VTCN1: variants seen among roughly 807,000 people sequenced by gnomAD.
The protein encoded by VTCN1 is V-set domain-containing T-cell activation inhibitor 1.
Under a neutral mutation model 26.5 loss-of-function variants are expected in VTCN1, and 26 were observed. That is an observed-to-expected ratio of 0.98 (90% CI 0.72 to 1.36). VTCN1 has a LOEUF of 1.36. VTCN1 is among the 40% of genes most tolerant of loss of function. The probability of loss-of-function intolerance (pLI) is 0.00; values close to 1 mark genes in which losing one functional copy is unlikely to be tolerated. For missense variants in VTCN1, 298 were observed against 337.7 expected, an observed-to-expected ratio of 0.88 and a Z score of 0.92; for synonymous variants, 116 against 130.7, an observed-to-expected ratio of 0.89 and a Z score of 0.77.
At position 117,147,827 on chromosome 1, in the gene VTCN1, G is replaced by A; in HGVS notation, c.725-45C>T. 1 of 1,593,164 alleles carries A rather than the reference G, an allele frequency of 6.3e-7. No homozygotes were observed. The highest frequency in any genetic ancestry group is 2.3e-5 in the East Asian group (1 of 44,168). ...GTTTAGGGTCATACAGGAGAAGCTGGATGTCTTCTTCACATGACTGGTTAG... is the reference window on the plus strand; with the variant it reads ...GTTTAGGGTCATACAGGAGAAGCTGAATGTCTTCTTCACATGACTGGTTAG... On this transcript the variant is annotated intron_variant, in intron 4 of 5. Coordinates refer to ENST00000369458, the MANE Select transcript of VTCN1 (RefSeq NM_024626.4). The surrounding 1 kb of genome is among the most constrained non-coding windows in gnomAD (Gnocchi z 4.6).
At chr1:117,163,303 GT>G (rs527380929) in intron 2 of VTCN1, among the ~76,000 whole-genome samples, 1 of 152,228 alleles carries the variant, frequency 6.6e-6, no homozygotes, top group Non-Finnish European at 1.5e-5. Context: ...CCTTGGTCAA[GT>G]TTTCTAACCC....
At chr1:117,164,732 T>C (rs892435488) in intron 2 of VTCN1, among the ~76,000 whole-genome samples, 3 of 152,230 alleles carry the variant, frequency 2.0e-5, no homozygotes, top group African/African-American at 4.8e-5. Flanking sequence ...TCTTCCATTA[T>C]ACAGAGCTGT....
chr1:117,153,229 T>TC lies in VTCN1; in HGVS notation c.585_586insG (p.Asn196GlufsTer5). On this transcript the variant is annotated frameshift_variant, in exon 4 of 6. Coordinates refer to ENST00000369458, the MANE Select transcript of VTCN1 (RefSeq NM_024626.4). LOFTEE classifies it high-confidence loss of function. ...TCAGAGTTCAGCTCAAAGCTGGTAT[T>TC]GGAGACTTCCGAGAAGTTGGCTCCC... is the stretch of plus-strand genomic sequence containing the variant. 6.2e-7 allele frequency: 1 copy of TC among 1,614,160 alleles called. No individual in the cohort carries two copies. Among genetic ancestry groups the TC allele is most frequent in the Non-Finnish European group, 8.5e-7 (1 of 1,180,014 alleles).
At chr1:117,176,591 G>A (rs895458062) in intron 1 of VTCN1, among the ~76,000 whole-genome samples, 2 of 152,168 alleles carry the variant, frequency 1.3e-5, no homozygotes, top group Non-Finnish European at 2.9e-5. Context: ...ATTCCTTATA[G>A]ATCATTAGTT....
intron 1 of VTCN1, among the ~76,000 whole-genome samples, chr1:117,197,224 C>T (rs6658547): frequency 0.52 from 78,881 of 151,968 alleles, 20,760 homozygotes; most frequent in African/African-American, 0.56. Context: ...TTCATTGACC[C>T]AGTAATTTGT....
At chr1:117,184,868 C>CCAGAGACACTTAGAGG (rs1647861657) in intron 1 of VTCN1, among the ~76,000 whole-genome samples, 1 of 152,154 alleles carries the variant, frequency 6.6e-6, no homozygotes, top group African/African-American at 2.4e-5. Flanking sequence ...AATGTTTCAT[C>CCAGAGACACTTAGAGG]CAGAGACACT....
At chr1:117,192,989 TAAC>T (rs1232386120) in intron 1 of VTCN1, among the ~76,000 whole-genome samples, 2 of 152,090 alleles carry the variant, frequency 1.3e-5, no homozygotes, top group African/African-American at 2.4e-5. Flanking sequence ...GAAAACAAAA[TAAC>T]AACACAGCAA....
At chr1:117,151,375 T>C (rs767270680) in intron 4 of VTCN1, among the ~76,000 whole-genome samples, 2 of 152,170 alleles carry the variant, frequency 1.3e-5, no homozygotes, top group Non-Finnish European at 2.9e-5. Context: ...TCACAGCTCT[T>C]AAAGCTAGTG....
At chr1:117,209,146 A>G (rs575307754) in intron 1 of VTCN1, among the ~76,000 whole-genome samples, 1 of 152,310 alleles carries the variant, frequency 6.6e-6, no homozygotes, top group South Asian at 2.1e-4. Context: ...ATGAATAGCC[A>G]ACAAGGCATG....
At chr1:117,154,497 CTG>C (rs1651962643) in intron 3 of VTCN1, among the ~76,000 whole-genome samples, 1 of 152,202 alleles carries the variant, frequency 6.6e-6, no homozygotes, top group South Asian at 2.1e-4. Context: ...AACTGAGAAA[CTG>C]GAGGCCAGGC....
intron 1 of VTCN1, among the ~76,000 whole-genome samples, chr1:117,191,204 A>G (rs1648226666): frequency 6.6e-6 from 1 of 152,244 alleles, no homozygotes; most frequent in Non-Finnish European, 1.5e-5. Flanking sequence ...AATACAGGTC[A>G]TTTGCAATCA....
intron 1 of VTCN1, among the ~76,000 whole-genome samples, chr1:117,182,113 G>A (rs564692674): frequency 3.3e-5 from 5 of 152,142 alleles, no homozygotes; most frequent in African/African-American, 9.7e-5. Context: ...AAACAAGTAC[G>A]TCTATTGCCC....
In VTCN1 at chr1:117,165,542, G is replaced by A. The variant is rs72699162; in HGVS notation, c.97+4565C>T. Among the ~76,000 whole-genome samples, 1,445 of 152,158 alleles carry A rather than the reference G, an allele frequency of 9.5e-3. 13 individuals carry two copies. The highest frequency in any genetic ancestry group is 0.016 in the Non-Finnish European group (1,111 of 67,996). ...CCCTGAGTTCACATGAGATCTGGTCGTTTAAACTTATGTGGCACCTCCCCA... is the reference window on the plus strand; with the variant it reads ...CCCTGAGTTCACATGAGATCTGGTCATTTAAACTTATGTGGCACCTCCCCA... On this transcript the variant is annotated intron_variant, in intron 2 of 5. Transcript: ENST00000369458.
Position 117,156,722 on chromosome 1 carries a change from G to A in VTCN1, c.297C>T (p.Gly99=), listed in dbSNP as rs780751268. 1 of 1,614,108 alleles carries A rather than the reference G, an allele frequency of 6.2e-7. No homozygotes were observed. Among genetic ancestry groups the A allele is most frequent in the Non-Finnish European group, 8.5e-7 (1 of 1,180,022 alleles). Reference sequence around the variant, plus strand: ...CTTGATCAGCAAACACTGCTGTCCGGCCTCTGAACATTTCATCCTGCTCCG... The same window carrying A: ...CTTGATCAGCAAACACTGCTGTCCGACCTCTGAACATTTCATCCTGCTCCG... ...ELSEQDEMFR[G]RTAVFADQVI... is the part of the protein sequence containing the mutation. The change falls in exon 3 of 6, where the codon GGC becomes GGT. Residue 99 remains glycine (G), a synonymous_variant. Transcript: ENST00000369458.
At position 117,159,143 on chromosome 1, in the gene VTCN1, G is replaced by A. The variant is rs1652242380; in HGVS notation, c.98-2222C>T. Among the ~76,000 whole-genome samples, 1 of 152,194 alleles carries A rather than the reference G, an allele frequency of 6.6e-6. No homozygotes were observed. The highest frequency in any genetic ancestry group is 2.1e-4 in the South Asian group (1 of 4,834). ...CCTCTGCCTGTTACCCAGTTCCAAAGTTGCTTCCACATTTTTGGGTATCTT... is the reference window on the plus strand; with the variant it reads ...CCTCTGCCTGTTACCCAGTTCCAAAATTGCTTCCACATTTTTGGGTATCTT... On this transcript the variant is annotated intron_variant, in intron 2 of 5. Transcript: ENST00000369458. This position sits in a 1 kb window ranked among gnomAD's most constrained non-coding sequence, Gnocchi z 4.7.
At chr1:117,165,512 T>G (rs1652563438) in intron 2 of VTCN1, among the ~76,000 whole-genome samples, 1 of 152,166 alleles carries the variant, frequency 6.6e-6, no homozygotes, top group Non-Finnish European at 1.5e-5. Flanking sequence ...AAGTGAGCTC[T>G]CAGGCCCTGA....
intron 1 of VTCN1, among the ~76,000 whole-genome samples, chr1:117,200,200 T>C (rs1648724443): frequency 6.6e-6 from 1 of 152,100 alleles, no homozygotes; most frequent in South Asian, 2.1e-4. Context: ...CCAGGAGTTT[T>C]TGAGACCAAC....
At chr1:117,149,747 T>C (rs1457233963) in intron 4 of VTCN1, among the ~76,000 whole-genome samples, 2 of 152,246 alleles carry the variant, frequency 1.3e-5, no homozygotes, top group African/African-American at 4.8e-5. Flanking sequence ...AATAGATATT[T>C]GTTAAATGAA....
At chr1:117,198,610 C>G (rs891134484) in intron 1 of VTCN1, among the ~76,000 whole-genome samples, 1 of 152,138 alleles carries the variant, frequency 6.6e-6, no homozygotes, top group African/African-American at 2.4e-5. Flanking sequence ...AGGGCTGCAT[C>G]GCCTCCTGCA....
Sources: gnomAD v4.1 joint callset for allele counts (sites outside exome capture counted in the v4.1 genomes callset) on GRCh38, gnomAD v4.1.1 for gene constraint, Gnocchi (gnomAD v3.1) non-coding constraint, MANE v1.5 for transcripts, NCBI Gene and HGNC (gene_info 2026-07-23, HGNC 2026-07-21) for gene names.